LNX1: variants seen among roughly 807,000 people sequenced by gnomAD.
LNX1 encodes the protein E3 ubiquitin-protein ligase LNX.
A neutral mutation model predicts 68.4 loss-of-function variants in LNX1; 54 were observed. The observed-to-expected ratio is 0.79, with a 90% CI of 0.63 to 0.99. The LOEUF is 0.99. LNX1 is among the 50% of genes least tolerant of loss of function. The pLI is 0.00. For synonymous variants in LNX1, 336 were observed against 350.0 expected (o/e 0.96, Z 0.45); for missense variants, 906 against 926.4 (o/e 0.98, Z 0.29).
intron 2 of LNX1, among the ~76,000 whole-genome samples, chr4:53,531,961 C>G (rs1231363032): frequency 6.6e-6 from 1 of 152,200 alleles, no homozygotes; most frequent in Non-Finnish European, 1.5e-5. Context: ...CCACTTGCTA[C>G]TTCAGTTGTT....
At chr4:53,559,077 T>C (rs1452007096) in intron 2 of LNX1, among the ~76,000 whole-genome samples, 1 of 152,168 alleles carries the variant, frequency 6.6e-6, no homozygotes. Context: ...GAAGGGATAA[T>C]TACATTCATC....
chr4:53,652,058 A>AGG (rs1194038433), intron 1 of LNX1: 4 of 150,492 alleles, frequency 2.7e-5, no homozygotes, highest in Non-Finnish European at 5.9e-5. Context: ...AGAGAGAGAG[A>AGG]GAGACAGAGA....
intron 9 of LNX1, among the ~76,000 whole-genome samples, chr4:53,470,199 A>G (rs562292929): frequency 6.6e-6 from 1 of 152,372 alleles, no homozygotes; most frequent in East Asian, 1.9e-4. Flanking sequence ...ATGCAAATCA[A>G]TAAACGTAAT....
In LNX1 at chr4:53,508,077, A is replaced by G. The variant is rs1340055078; in HGVS notation, c.531T>C (p.Pro177=). 6.2e-7 allele frequency: 1 copy of G among 1,614,004 alleles called. No individual in the cohort carries two copies. Among genetic ancestry groups the G allele is most frequent in the Non-Finnish European group, 8.5e-7 (1 of 1,180,028 alleles). ...ACACGTAGGCAGGGTTGTCTAGGCC[A>G]GGCTCGTCTGTCATTAAGGAGATGG... ...AATISLMTDE[P]GLDNPAYVSS... Residue 177 remains proline (P), a synonymous_variant, in exon 3 of 11, where the codon CCT becomes CCC. Coordinates refer to ENST00000263925, the MANE Select transcript of LNX1 (RefSeq NM_001126328.3).
intron 2 of LNX1, among the ~76,000 whole-genome samples, chr4:53,613,841 G>T (rs1209805057): frequency 6.6e-6 from 1 of 152,180 alleles, no homozygotes; most frequent in East Asian, 1.9e-4. Flanking sequence ...GGATTGCTGG[G>T]TTTAATGGTA....
At chr4:53,485,915 A>T (rs1391450274) in intron 6 of LNX1, among the ~76,000 whole-genome samples, 2 of 152,232 alleles carry the variant, frequency 1.3e-5, no homozygotes, top group Non-Finnish European at 2.9e-5. Flanking sequence ...TCATTCCAGC[A>T]AGCAAGGAAT....
intron 1 of LNX1, among the ~76,000 whole-genome samples, chr4:53,586,352 A>G (rs1732172343): frequency 6.6e-6 from 1 of 152,240 alleles, no homozygotes; most frequent in Non-Finnish European, 1.5e-5. Flanking sequence ...AAATCATCTC[A>G]GCAGATAGCA....
intron 9 of LNX1, among the ~76,000 whole-genome samples, chr4:53,468,200 A>G (rs1393593944): frequency 6.6e-6 from 1 of 152,212 alleles, no homozygotes; most frequent in Admixed American, 6.5e-5. Flanking sequence ...CATCCTTAAA[A>G]GAAAAGAATT....
At chr4:53,493,296 T>C (rs1724833020) in intron 6 of LNX1, among the ~76,000 whole-genome samples, 1 of 152,196 alleles carries the variant, frequency 6.6e-6, no homozygotes, top group Non-Finnish European at 1.5e-5. Flanking sequence ...TCTGGTTTTG[T>C]TCCCCACCTG....
chr4:53,580,684 CAA>C (rs1251267682), intron 1 of LNX1, among the ~76,000 whole-genome samples: 1 of 152,062 alleles, frequency 6.6e-6, no homozygotes, highest in African/African-American at 2.4e-5. Context: ...TTAGAAAATG[CAA>C]AAATATGTAG....
At chr4:53,617,769 A>G (rs73149387), upstream of LNX1, among the ~76,000 whole-genome samples, 2,672 of 152,320 alleles carry the variant, frequency 0.018, 68 homozygotes, top group African/African-American at 0.061. Flanking sequence ...TAAACCTGTA[A>G]CAACTGGGTT....
At chr4:53,477,086 G>A (rs1411413673) in intron 8 of LNX1, 105 bp from the exon 9 acceptor site, 9 of 942,084 alleles carry the variant, frequency 9.6e-6, no homozygotes, top group Non-Finnish European at 1.5e-5. Context: ...GGGATGCAGA[G>A]AGGGCAAAGG....
At chr4:53,629,889 A>G (rs965732862) in intron 1 of LNX1, among the ~76,000 whole-genome samples, 2 of 152,128 alleles carry the variant, frequency 1.3e-5, no homozygotes, top group Non-Finnish European at 2.9e-5. Context: ...TTTATCCTCT[A>G]TATGTATGCA....
At chr4:53,648,437 T>A (rs946237723) in intron 1 of LNX1, among the ~76,000 whole-genome samples, 3 of 150,826 alleles carry the variant, frequency 2.0e-5, no homozygotes, top group African/African-American at 7.3e-5. Context: ...AAGTCATTTG[T>A]CCATTTGAAT....
intron 1 of LNX1, among the ~76,000 whole-genome samples, chr4:53,628,488 CA>C (rs1734154951): frequency 1.3e-5 from 2 of 152,196 alleles, no homozygotes; most frequent in South Asian, 4.1e-4. Flanking sequence ...GTCAAAAAAA[CA>C]GTAGAAGCAT....
At chr4:53,600,561 A>G (rs960899866) in intron 2 of LNX1, among the ~76,000 whole-genome samples, 15 of 152,064 alleles carry the variant, frequency 9.9e-5, no homozygotes, top group Non-Finnish European at 1.2e-4. Context: ...ACCACTCACT[A>G]TTACCAGAGA....
chr4:53,637,129 C>A (rs1734509751), intron 1 of LNX1, among the ~76,000 whole-genome samples: 1 of 151,910 alleles, frequency 6.6e-6, no homozygotes, highest in Non-Finnish European at 1.5e-5. Flanking sequence ...ACCCAATTTG[C>A]ACTGGCAAAA....
chr4:53,463,298 C>G (rs2150554274), intron 9 of LNX1, among the ~76,000 whole-genome samples: 1 of 152,216 alleles, frequency 6.6e-6, no homozygotes, highest in Middle Eastern at 3.4e-3. Flanking sequence ...AAACAAAACA[C>G]AAAATCCCCT....
At chr4:53,498,018 G>A (rs1725194787) in intron 5 of LNX1, among the ~76,000 whole-genome samples, 1 of 152,126 alleles carries the variant, frequency 6.6e-6, no homozygotes, top group African/African-American at 2.4e-5. Flanking sequence ...TATCCTTTCT[G>A]TTCTGAAAAT....
Sources: gnomAD v4.1 joint callset for allele counts (sites outside exome capture counted in the v4.1 genomes callset) on GRCh38, gnomAD v4.1.1 for gene constraint, MANE v1.5 for transcripts, NCBI Gene and HGNC (gene_info 2026-07-23, HGNC 2026-07-21) for gene names.